The following PCDH15 variants were observed in gnomAD, a reference collection of about 807,000 sequenced individuals.
The protein encoded by PCDH15 is protocadherin related 15, also known as protocadherin-15.
Under a neutral mutation model 178.5 loss-of-function variants are expected in PCDH15, and 129 were observed. The ratio of observed to expected loss-of-function variants is 0.72; its 90% confidence interval spans 0.63 to 0.84. The LOEUF (loss-of-function observed/expected upper bound fraction) is 0.84, where lower values mean the gene tolerates loss of function less well. Ranked by LOEUF, PCDH15 falls within the 40% of genes least tolerant of loss-of-function variation. The probability of loss-of-function intolerance (pLI) is 0.00; values close to 1 mark genes in which losing one functional copy is unlikely to be tolerated. For synonymous variants in PCDH15, 800 were observed against 732.0 expected (o/e 1.09, Z -1.50); for missense variants, 2,230 against 2,099.9 (o/e 1.06, Z -1.21).
intron 3 of PCDH15, among the ~76,000 whole-genome samples, chr10:54,497,869 T>C (rs185689700): frequency 6.6e-6 from 1 of 152,082 alleles, no homozygotes; most frequent in East Asian, 1.9e-4. Flanking sequence ...AGCAAAAAAT[T>C]TGGAAAATAT....
chr10:54,837,232 A>C (rs1332427208), intron 3 of PCDH15, among the ~76,000 whole-genome samples: 1 of 152,120 alleles, frequency 6.6e-6, no homozygotes, highest in Non-Finnish European at 1.5e-5. Flanking sequence ...AGAGGAATGA[A>C]ATAATACTCT....
intron 3 of PCDH15, among the ~76,000 whole-genome samples, chr10:54,491,565 T>C (rs924787727): frequency 3.3e-5 from 5 of 152,272 alleles, no homozygotes; most frequent in Middle Eastern, 6.8e-3. Context: ...AAATTTAACT[T>C]ATTCCTTTGA....
intron 2 of PCDH15, among the ~76,000 whole-genome samples, chr10:55,525,431 G>A (rs1414049286): frequency 1.3e-5 from 2 of 151,762 alleles, no homozygotes; most frequent in Non-Finnish European, 2.9e-5. Flanking sequence ...TAAATAATCT[G>A]AGAATGAGCA....
At chr10:54,614,303 T>C (rs1247823382) in intron 2 of PCDH15, among the ~76,000 whole-genome samples, 2 of 151,968 alleles carry the variant, frequency 1.3e-5, no homozygotes, top group Non-Finnish European at 2.9e-5. Flanking sequence ...ATTTCACAAC[T>C]TCCTGCCAGT....
chr10:54,617,337 T>G (rs2093197990), intron 2 of PCDH15, among the ~76,000 whole-genome samples: 1 of 152,156 alleles, frequency 6.6e-6, no homozygotes, highest in South Asian at 2.1e-4. Context: ...AATGTAGCAC[T>G]TTCGTAATTA....
intron 3 of PCDH15, among the ~76,000 whole-genome samples, chr10:54,501,733 G>A (rs2080709504): frequency 6.6e-6 from 1 of 151,880 alleles, no homozygotes; most frequent in African/African-American, 2.4e-5. Context: ...AATTTGATGT[G>A]TATAATTCTC....
intron 8 of PCDH15, among the ~76,000 whole-genome samples, chr10:54,260,493 GT>G (rs888589259): frequency 6.9e-5 from 6 of 87,148 alleles, no homozygotes; most frequent in African/African-American, 2.3e-4. Flanking sequence ...ACTATTTCCA[GT>G]TTTTCATTTT....
At chr10:55,120,432 T>G (rs1837736763) in intron 2 of PCDH15, among the ~76,000 whole-genome samples, 1 of 152,116 alleles carries the variant, frequency 6.6e-6, no homozygotes, top group Non-Finnish European at 1.5e-5. Flanking sequence ...TCCCAATTCC[T>G]TGGGACTAGA....
chr10:55,067,695 A>G lies in PCDH15; in HGVS notation c.-80+98881T>C, dbSNP rs1841602152. Among the ~76,000 whole-genome samples, 5 of 143,038 alleles carry G rather than the reference A, an allele frequency of 3.5e-5. 1 individual carries two copies. The Middle Eastern group carries it at 0.011, about 323-fold the overall frequency. 93.8% of individuals were successfully genotyped at this position (143,038 alleles called of 152,430 possible). ...CTTTCTATGGTGGTTGTACTAATTTACATTACCACCAACAGTGTATAAGAG... is the reference window on the plus strand; with the variant it reads ...CTTTCTATGGTGGTTGTACTAATTTGCATTACCACCAACAGTGTATAAGAG... On this transcript the variant is annotated intron_variant, in intron 2 of 5. Transcript: ENST00000458638.
At chr10:54,088,560 A>G (rs919396491) in intron 16 of PCDH15, among the ~76,000 whole-genome samples, 2 of 152,110 alleles carry the variant, frequency 1.3e-5, no homozygotes. Context: ...ACGAGACCCA[A>G]TTTATCAATT....
At position 53,822,102 on chromosome 10, in the gene PCDH15, G is replaced by T. The variant is rs2076307770; in HGVS notation, c.4368-1872C>A. The T allele has an allele frequency of 6.2e-7, 1 of 1,613,898 alleles. No individual in the cohort carries two copies. Among genetic ancestry groups the T allele is most frequent in the African/African-American group, 1.3e-5 (1 of 74,892 alleles). On this transcript the variant is annotated intron_variant, in intron 32 of 37. Transcript: ENST00000644397. ...GAGGATGCCTTTTGGTTCTCTCTGA[G>T]GGTCTGTTTTACACACTGTCGTTGT...
At chr10:55,245,927 A>G (rs998724391) in intron 1 of PCDH15, among the ~76,000 whole-genome samples, 2 of 152,218 alleles carry the variant, frequency 1.3e-5, no homozygotes, top group Non-Finnish European at 2.9e-5. Context: ...GCTGGCAGCC[A>G]TGCCTAAAAG....
At chr10:54,344,798 T>C in intron 6 of PCDH15, among the ~76,000 whole-genome samples, 1 of 151,098 alleles carries the variant, frequency 6.6e-6, no homozygotes, top group Middle Eastern at 3.2e-3. Flanking sequence ...CTTCATTTCT[T>C]ATGTAACCCT....
At position 53,822,287 on chromosome 10, in the gene PCDH15, T is replaced by G. The variant is rs150303579; in HGVS notation, c.4368-2057A>C. 1.3e-4 allele frequency: 217 copies of G among 1,612,250 alleles called. No individual in the cohort carries two copies. The highest frequency in any genetic ancestry group is 1.2e-3 in the Middle Eastern group (7 of 6,050). On this transcript the variant is annotated intron_variant, in intron 32 of 37. Transcript: ENST00000644397. ...GTGGTGGAGGAAGAGGAGTTGGAAA[T>G]GGAGGTAGAAGAGGTGGTGTTGGGG...
chr10:54,717,361 T>G (rs1283333796), intron 1 of PCDH15, among the ~76,000 whole-genome samples: 1 of 126,000 alleles, frequency 7.9e-6, no homozygotes, highest in Non-Finnish European at 1.7e-5. Flanking sequence ...AACCTACTCA[T>G]CTGACAAAGG....
At chr10:54,902,006 A>AT (rs553557987) in intron 2 of PCDH15, among the ~76,000 whole-genome samples, 30 of 150,656 alleles carry the variant, frequency 2.0e-4, no homozygotes, top group Admixed American at 8.6e-4. Context: ...CATTCAAATG[A>AT]TTTTTTTTTG....
chr10:55,453,276 C>T (rs193164859), intron 2 of PCDH15, among the ~76,000 whole-genome samples: 1 of 152,178 alleles, frequency 6.6e-6, no homozygotes, highest in African/African-American at 2.4e-5. Context: ...GGATTAGATG[C>T]CCTCCCACAT....
At chr10:55,068,769 T>TTGTGTG (rs71014445) in intron 2 of PCDH15, among the ~76,000 whole-genome samples, 21 of 150,852 alleles carry the variant, frequency 1.4e-4, no homozygotes, top group South Asian at 8.4e-4. Context: ...TCTTTCATCA[T>TTGTGTG]TGTGTGTGTG....
At chr10:54,136,960 TATA>T (rs1426261174) in intron 14 of PCDH15, among the ~76,000 whole-genome samples, 2 of 152,210 alleles carry the variant, frequency 1.3e-5, no homozygotes, top group Admixed American at 1.3e-4. Context: ...GGCATGTCCC[TATA>T]ATGTGTTTAA....
Sources: allele counts gnomAD v4.1 joint callset (sites outside exome capture counted in the v4.1 genomes callset), GRCh38; gene constraint gnomAD v4.1.1; transcripts MANE v1.5; gene names NCBI Gene and HGNC (gene_info 2026-07-23, HGNC 2026-07-21).